HAUS7: variants seen among roughly 807,000 people sequenced by gnomAD.
HAUS7 encodes the protein HAUS augmin-like complex subunit 7.
In HAUS7, 3 loss-of-function variants were observed where a neutral mutation model predicts 28.4. The observed-to-expected ratio is 0.11, with a 90% CI of 0.05 to 0.27. The LOEUF is 0.27. HAUS7 is among the 10% of genes least tolerant of loss of function. The pLI, the probability that HAUS7 is intolerant of heterozygous loss-of-function variation, is 1.00. For missense variants in HAUS7, 284 were observed against 297.3 expected, an observed-to-expected ratio of 0.96 and a Z score of 0.33; for synonymous variants, 165 against 132.1, an observed-to-expected ratio of 1.25 and a Z score of -1.71.
intron 1 of HAUS7, chrX:153,481,895 TC>T (rs1261640615): frequency 4.0e-6 from 3 of 752,115 alleles, no homozygotes; most frequent in Admixed American, 8.8e-5. Context: ...ACAAGCTGGA[TC>T]CCCGAGGCCT....
chrX:153,461,983 C>T, intron 4 of HAUS7: 2 of 470,083 alleles, frequency 4.3e-6, no homozygotes, highest in Admixed American at 7.6e-5. Context: ...TCGTAGAAAA[C>T]CAGCTGTAGC....
intron 1 of HAUS7, chrX:153,480,958 G>T: frequency 1.3e-6 from 1 of 755,422 alleles, no homozygotes; most frequent in Non-Finnish European, 1.6e-6. Flanking sequence ...AGGACAGGAG[G>T]CCGGGAAGAC....
At chrX:153,468,743 C>T (rs1303674984) in intron 2 of HAUS7, among the ~76,000 whole-genome samples, 1 of 112,453 alleles carries the variant, frequency 8.9e-6, no homozygotes, top group Non-Finnish European at 1.9e-5. Context: ...CTGCCTGTCA[C>T]TCCTCCACTG....
intron 4 of HAUS7, 149 bp from the exon 5 acceptor site, chrX:153,457,377 A>T: frequency 2.2e-6 from 1 of 457,161 alleles, no homozygotes; most frequent in Non-Finnish European, 3.8e-6. Flanking sequence ...GTGCCTGCCC[A>T]GCAATGTCTT....
upstream of HAUS7, among the ~76,000 whole-genome samples, chrX:153,472,908 TG>T (rs1265739702): frequency 1.1e-5 from 1 of 87,880 alleles, no homozygotes; most frequent in East Asian, 3.6e-4. Context: ...GCGGGGAAGC[TG>T]GGGGGTCCTG....
intron 1 of HAUS7, among the ~76,000 whole-genome samples, chrX:153,478,186 C>G (rs1556986611): frequency 8.8e-6 from 1 of 113,008 alleles, no homozygotes; most frequent in Non-Finnish European, 1.9e-5. Context: ...TCAGTCCTCT[C>G]TGCCAGCCCC....
chrX:153,477,114 G>A (rs1297951752), intron 1 of HAUS7, among the ~76,000 whole-genome samples: 1 of 113,219 alleles, frequency 8.8e-6, no homozygotes, highest in Non-Finnish European at 1.9e-5. Flanking sequence ...CTCCATGGGA[G>A]CTGGGAACTG....
In HAUS7 at chrX:153,456,307, C is replaced by A; in HGVS notation, c.663G>T (p.Gln221His). The change falls in exon 7 of 10, where the codon CAG becomes CAT. Residue 221 changes from glutamine to histidine, a missense_variant. Transcript: ENST00000370211. Reference protein sequence around the residue: ...EEEKLAELARQLQESAAKLHA... With the variant: ...EEEKLAELARHLQESAAKLHA... ...GCAACTTGGCAGCACTCTCCTGCAG[C>A]TGCCTGGCAAGCTCCGCCAGCTTCT... is the stretch of plus-strand genomic sequence containing the variant. 8.3e-7 allele frequency: 1 copy of A among 1,211,646 alleles called. No homozygotes were observed. The highest frequency in any genetic ancestry group is 1.1e-6 in the Non-Finnish European group (1 of 895,167).
rs1434592362 is a variant in HAUS7 at position 153,449,365 on chromosome X, G to A, written c.1046-1456C>T. The stretch of plus-strand genomic sequence containing the variant: ...ATGTGCTCAGCCCGCCTGGAATTGC[G>A]CCCCAGGACCCTCTCCACTCGCCAT... On this transcript the variant is annotated intron_variant, in intron 9 of 9. Transcript: ENST00000370211. Among the ~76,000 whole-genome samples the A allele has an allele frequency of 2.7e-5, 3 of 112,305 alleles. No individual in the cohort carries two copies. The South Asian group carries it at 1.1e-3, about 42-fold the overall frequency.
In HAUS7 at chrX:153,457,059, C is replaced by A. The variant is rs913417610; in HGVS notation, c.446+78G>T. On this transcript the variant is annotated intron_variant, in intron 5 of 9. Coordinates refer to ENST00000370211, the MANE Select transcript of HAUS7 (RefSeq NM_001385482.1). ...GCCAGCATCAGAGGGGGAGTGACACCCCAGCCCCTACCAGCTCCAGAACTA... is the reference window on the plus strand; with the variant it reads ...GCCAGCATCAGAGGGGGAGTGACACACCAGCCCCTACCAGCTCCAGAACTA... The A allele has an allele frequency of 4.4e-5, 30 of 684,340 alleles. No homozygotes were observed. The African/African-American group carries it at 5.9e-4, about 13-fold the overall frequency. 56.4% of individuals were successfully genotyped at this position (684,340 alleles called of 1,213,427 possible).
At chrX:153,462,535 G>T in intron 4 of HAUS7, 75 bp downstream of exon 4, 1 of 846,037 alleles carries the variant, frequency 1.2e-6, no homozygotes, top group Non-Finnish European at 1.8e-6. Flanking sequence ...TCCCACCTCA[G>T]CCAGCACCAT....
chrX:153,479,927 A>G (rs1323783331), intron 1 of HAUS7, among the ~76,000 whole-genome samples: 1 of 111,601 alleles, frequency 9.0e-6, no homozygotes, highest in Non-Finnish European at 1.9e-5. Context: ...TGGGGTTATC[A>G]ACATTCCTCC....
intron 9 of HAUS7, among the ~76,000 whole-genome samples, chrX:153,452,936 G>A (rs2089257435): frequency 8.9e-6 from 1 of 112,074 alleles, no homozygotes; most frequent in African/African-American, 3.2e-5. Context: ...AGCTGAGACT[G>A]CACTCCAGCC....
At chrX:153,489,911 AC>A (rs1416943869) in intron 1 of HAUS7, among the ~76,000 whole-genome samples, 2 of 110,217 alleles carry the variant, frequency 1.8e-5, no homozygotes, top group Admixed American at 1.9e-4. Flanking sequence ...TCCACCCCCT[AC>A]CCCCATAATA....
chrX:153,459,498 A>AT (rs1215576276), intron 4 of HAUS7, among the ~76,000 whole-genome samples: 3 of 111,351 alleles, frequency 2.7e-5, no homozygotes, highest in Non-Finnish European at 5.7e-5. Context: ...GGATTTGGGC[A>AT]TACGTGAAGG....
intron 1 of HAUS7, among the ~76,000 whole-genome samples, chrX:153,491,665 C>T (rs1292724510): frequency 8.8e-6 from 1 of 113,190 alleles, no homozygotes; most frequent in Non-Finnish European, 1.9e-5. Flanking sequence ...GAGTTAGGCT[C>T]AGAGCAGGGA....
At chrX:153,485,334 G>A (rs1221735112) in intron 1 of HAUS7, among the ~76,000 whole-genome samples, 1 of 111,814 alleles carries the variant, frequency 8.9e-6, no homozygotes, top group East Asian at 2.8e-4. Flanking sequence ...GGACCGGCAG[G>A]GGCAGAGAGC....
chrX:153,470,997 T>G, upstream of HAUS7: 1 of 331,707 alleles, frequency 3.0e-6, no homozygotes, highest in Non-Finnish European at 5.9e-6. Flanking sequence ...GGGGCGCTCC[T>G]GCCTTGGTCG....
At chrX:153,471,470 A>C (rs1036432442), upstream of HAUS7, among the ~76,000 whole-genome samples, 3 of 112,249 alleles carry the variant, frequency 2.7e-5, no homozygotes, top group African/African-American at 9.7e-5. Flanking sequence ...CCTCAAACTC[A>C]ATGCGTCTGC....
Sources: allele counts gnomAD v4.1 joint callset (sites outside exome capture counted in the v4.1 genomes callset), GRCh38; gene constraint gnomAD v4.1.1; transcripts MANE v1.5; gene names NCBI Gene and HGNC (gene_info 2026-07-23, HGNC 2026-07-21).